Variants in PLEKHG5 observed in about 807,000 individuals in gnomAD.
PLEKHG5 encodes the protein pleckstrin homology domain-containing family G member 5.
Under a neutral mutation model 103.8 loss-of-function variants are expected in PLEKHG5, and 52 were observed. The ratio of observed to expected loss-of-function variants is 0.50; its 90% CI spans 0.40 to 0.63. The LOEUF is 0.63. Among genes scored for constraint, PLEKHG5 ranks in the 30% least tolerant of loss-of-function variants. The pLI, the probability that PLEKHG5 is intolerant of heterozygous loss-of-function variation, is 0.00. For missense variants in PLEKHG5, 1,205 were observed against 1,347.6 expected (o/e 0.89, Z 1.66); for synonymous variants, 592 against 575.5 (o/e 1.03, Z -0.41).
chr1:6,476,126 C>T (rs908410017), intron 2 of PLEKHG5, 90 bp from the exon 3 acceptor site: 125 of 1,064,150 alleles, frequency 1.2e-4, no homozygotes, highest in Non-Finnish European at 1.7e-4. Flanking sequence ...GCCTGTTACC[C>T]TGGAACCCCC....
In PLEKHG5 at chr1:6,469,140, C is replaced by T. The variant is rs761945225; in HGVS notation, c.2151G>A (p.Glu717=). ...CCTCGCCTTCCTCCTCCTCCTCCTC[C>T]TCCTCCTCTTCCTCCTCCTGCTCAT... ...EEDEQEEEEE[E]EEEEEEGEDS... is the part of the protein sequence containing the mutation. Residue 717 remains glutamate (E), a synonymous_variant, in exon 19 of 21, where the codon GAG becomes GAA. Transcript: ENST00000377728. The T allele has an allele frequency of 5.6e-6, 9 of 1,612,388 alleles. No individual in the cohort carries two copies. Among genetic ancestry groups the T allele is most frequent in the South Asian group, 2.2e-5 (2 of 91,062 alleles).
At chr1:6,496,429 A>T, upstream of PLEKHG5, 2 of 1,255,866 alleles carry the variant, frequency 1.6e-6, no homozygotes, top group Non-Finnish European at 2.3e-6. Flanking sequence ...GCTGGGATAG[A>T]AAGGGCAGTT....
chr1:6,469,122 TTCCTCC>T lies in PLEKHG5; in HGVS notation c.2163_2168del (p.Glu722_Glu723del), dbSNP rs113541584. ...CAGCTGAAGTGCCACTGTCCTCGCC[TTCCTCC>T]TCCTCCTCCTCCTCCTCCTCTTCCT... On this transcript the variant is annotated inframe_deletion, in exon 19 of 21. Coordinates refer to ENST00000377728, the MANE Select transcript of PLEKHG5 (RefSeq NM_020631.6). 13,699 of 1,588,674 alleles carry T rather than the reference TTCCTCC, an allele frequency of 8.6e-3. 99 individuals carry two copies. The highest frequency in any genetic ancestry group is 0.03 in the African/African-American group (2,048 of 67,724).
chr1:6,471,676 G>T, intron 11 of PLEKHG5, 39 bp from the exon 12 acceptor site: 13 of 1,568,178 alleles, frequency 8.3e-6, no homozygotes, highest in Non-Finnish European at 1.1e-5. Context: ...ACGCCCCTCC[G>T]CCAGGTTAGC....
At chr1:6,512,857 T>C (rs1473176385) in intron 1 of PLEKHG5, among the ~76,000 whole-genome samples, 1 of 152,134 alleles carries the variant, frequency 6.6e-6, no homozygotes, top group Non-Finnish European at 1.5e-5. Flanking sequence ...AGTTTCCTCA[T>C]TTATACAGCG....
Position 6,477,525 on chromosome 1 carries a change from T to C in PLEKHG5, c.43+4A>G. 6.2e-7 allele frequency: 1 copy of C among 1,611,406 alleles called. No individual in the cohort carries two copies. The highest frequency in any genetic ancestry group is 8.5e-7 in the Non-Finnish European group (1 of 1,179,934). ...GCCGAGCTGCGGCTCCCGCCTGTGC[T>C]CACCTTGTGGGGGAAGGTCGAAGCG... On this transcript the variant is annotated splice_donor_region_variant and intron_variant, in intron 2 of 20. Coordinates refer to ENST00000377728, the MANE Select transcript of PLEKHG5 (RefSeq NM_020631.6).
At chr1:6,512,434 T>A (rs1248237591) in intron 1 of PLEKHG5, among the ~76,000 whole-genome samples, 2 of 152,008 alleles carry the variant, frequency 1.3e-5, no homozygotes, top group Admixed American at 1.3e-4. Flanking sequence ...CCCACTGGCA[T>A]GGGCCCCTCC....
upstream of PLEKHG5, among the ~76,000 whole-genome samples, chr1:6,494,255 C>T (rs753117898): frequency 4.0e-5 from 6 of 151,264 alleles, no homozygotes; most frequent in Non-Finnish European, 5.9e-5. Context: ...CTCAGCCTCC[C>T]GAGTAGCTGG....
chr1:6,480,490 T>G (rs1644871466), intron 1 of PLEKHG5, among the ~76,000 whole-genome samples: 1 of 148,648 alleles, frequency 6.7e-6, no homozygotes, highest in African/African-American at 2.5e-5. Flanking sequence ...ATCACACCAC[T>G]GCACTCCAGC....
Position 6,490,007 on chromosome 1 carries a change from G to A in PLEKHG5, c.-88+1630C>T, listed in dbSNP as rs1557762029. On this transcript the variant is annotated intron_variant, in intron 1 of 20. Transcript: ENST00000377728. The surrounding 1 kb of genome is among the most constrained non-coding windows in gnomAD (Gnocchi z 8.0). ...TCCCCCACCCCTAAGTGGGTGCCTG[G>A]GTCTGCTCAGACTGCCCGAGGCGCA... Among the ~76,000 whole-genome samples, 2 of 152,168 alleles carry A rather than the reference G, an allele frequency of 1.3e-5. No individual in the cohort carries two copies. Among genetic ancestry groups the A allele is most frequent in the East Asian group, 3.9e-4 (2 of 5,178 alleles).
chr1:6,467,189 C>T lies in PLEKHG5; in HGVS notation c.*374G>A. The T allele has an allele frequency of 2.2e-6, 1 of 452,050 alleles. No individual in the cohort carries two copies. Among genetic ancestry groups the T allele is most frequent in the South Asian group, 2.2e-5 (1 of 45,790 alleles). 28.0% of individuals were successfully genotyped at this position (452,050 alleles called of 1,614,324 possible). A position where few individuals can be genotyped will look rare whatever the true frequency, so the allele number is the denominator to read the frequency against. On this transcript the variant is annotated 3_prime_UTR_variant, in exon 21 of 21. Transcript: ENST00000377728. ...AAATACGTAACTTCACAGAACCCAG[C>T]CCAAGCCAGGGGTGGCCTGTGGGAC...
At chr1:6,489,987 C>T (rs972750501) in intron 1 of PLEKHG5, among the ~76,000 whole-genome samples, 2 of 152,242 alleles carry the variant, frequency 1.3e-5, no homozygotes, top group African/African-American at 2.4e-5. Flanking sequence ...CCGCATCCCC[C>T]ACCCCTAAGT....
chr1:6,498,445 G>A (rs982465495), upstream of PLEKHG5, among the ~76,000 whole-genome samples: 1 of 152,174 alleles, frequency 6.6e-6, no homozygotes, highest in East Asian at 1.9e-4. Context: ...CACGGATCCC[G>A]GGTCTCCTGA....
At chr1:6,471,445 G>T in intron 12 of PLEKHG5, 43 bp downstream of exon 12, 2 of 1,590,480 alleles carry the variant, frequency 1.3e-6, no homozygotes, top group Non-Finnish European at 1.7e-6. Context: ...CGGCGCCCCA[G>T]CCCTGCCTCA....
intron 1 of PLEKHG5, among the ~76,000 whole-genome samples, chr1:6,482,688 A>ATTAT (rs1236369246): frequency 1.3e-5 from 2 of 152,116 alleles, no homozygotes; most frequent in Non-Finnish European, 2.9e-5. Context: ...TGGATCCCAG[A>ATTAT]TTATTATTTA....
Position 6,475,866 on chromosome 1 carries a change from G to A in PLEKHG5, c.149+65C>T, listed in dbSNP as rs1644752056. The A allele has an allele frequency of 3.9e-6, 5 of 1,295,926 alleles. No individual in the cohort carries two copies. In the Admixed American group the frequency reaches 8.4e-5, roughly 22 times the overall value. The allele number at this position is 1,295,926 out of a possible 1,614,324, so 80.3% of individuals were successfully genotyped here. On this transcript the variant is annotated intron_variant, in intron 3 of 20. Coordinates refer to ENST00000377728, the MANE Select transcript of PLEKHG5 (RefSeq NM_020631.6). ...GGCGCCAGAGCATCTGGTCCTGAAT[G>A]TCTGATCTGAGACCCAGCCGTGGGG...
chr1:6,474,042 G>T lies in PLEKHG5; in HGVS notation c.562C>A (p.Gln188Lys), dbSNP rs1177680415. ...GPPALERVDAQSRRESLDILA... is the reference protein window; with the variant it reads ...GPPALERVDAKSRRESLDILA... The stretch of plus-strand genomic sequence containing the variant: ...ATGTCCAGGCTCTCCCGGCGGCTCT[G>T]GGCGTCCACACGCTCCAGGGCGGGG... Residue 188 changes from glutamine (Q) to lysine (K), a missense_variant, in exon 7 of 21, where the codon CAG (glutamine) becomes AAG (lysine). Gln to Lys is a moderately conservative substitution (Grantham distance 53). Transcript: ENST00000377728. 1.4e-5 allele frequency: 22 copies of T among 1,609,158 alleles called. No individual in the cohort carries two copies. Among genetic ancestry groups the T allele is most frequent in the Non-Finnish European group, 1.8e-5 (21 of 1,178,684 alleles).
In PLEKHG5 at chr1:6,470,657, AG is replaced by A; in HGVS notation, c.1543-15del. The A allele has an allele frequency of 6.4e-7, 1 of 1,560,050 alleles. No homozygotes were observed. On this transcript the variant is annotated splice_polypyrimidine_tract_variant and intron_variant, in intron 14 of 20. Coordinates refer to ENST00000377728, the MANE Select transcript of PLEKHG5 (RefSeq NM_020631.6). ...CACGGAGCCGATCTAGGGGCAGGTG[AG>A]GGAGCTTCAGGTCCAGGGTCATGAC...
chr1:6,504,928 A>G (rs528728689), intron 1 of PLEKHG5, among the ~76,000 whole-genome samples: 5 of 152,146 alleles, frequency 3.3e-5, no homozygotes, highest in East Asian at 3.9e-4. Context: ...TTGCCTCCCA[A>G]TGTGGACCGC....
Sources: gnomAD v4.1 joint callset for allele counts (sites outside exome capture counted in the v4.1 genomes callset) on GRCh38, gnomAD v4.1.1 for gene constraint, Gnocchi (gnomAD v3.1) non-coding constraint, MANE v1.5 for transcripts, NCBI Gene and HGNC (gene_info 2026-07-23, HGNC 2026-07-21) for gene names.